AMDHD2: variants seen among roughly 807,000 people sequenced by gnomAD.
The protein encoded by AMDHD2 is amidohydrolase domain containing 2.
In AMDHD2, 24 loss-of-function variants were observed where a neutral mutation model predicts 41.8. The observed-to-expected ratio is 0.57, with a 90% CI of 0.42 to 0.81. AMDHD2 has a LOEUF of 0.81. Among genes scored for constraint, AMDHD2 ranks in the 30% least tolerant of loss-of-function variants. The pLI, the probability that AMDHD2 is intolerant of heterozygous loss-of-function variation, is 0.00. For synonymous variants in AMDHD2, 332 were observed against 255.5 expected (o/e 1.30, Z -2.85); for missense variants, 540 against 588.5 (o/e 0.92, Z 0.85).
At chr16:2,529,441 C>G in intron 10 of AMDHD2, 34 bp from the exon 11 acceptor site, 2 of 1,605,652 alleles carry the variant, frequency 1.2e-6, no homozygotes, top group Non-Finnish European at 1.7e-6. Context: ...CGGCCCCACT[C>G]CTGCCCCCTA....
Position 2,529,957 on chromosome 16 carries a change from G to T in AMDHD2, c.*394G>T. ...GAGGGGCAGGCAGTCAGTGGCTGGT[G>T]CCATGGGGTGAAGCCACCATGGGCT... is the stretch of plus-strand genomic sequence containing the variant. On this transcript the variant is annotated 3_prime_UTR_variant, in exon 11 of 11. Transcript: ENST00000293971. 1.2e-6 allele frequency: 1 copy of T among 807,224 alleles called. No homozygotes were observed. The highest frequency in any genetic ancestry group is 2.1e-5 in the South Asian group (1 of 47,096). The allele number at this position is 807,224 out of a possible 1,614,324, so 50.0% of individuals were successfully genotyped here.
chr16:2,526,956 T>A (rs1002703786), intron 3 of AMDHD2: 4 of 152,536 alleles, frequency 2.6e-5, no homozygotes, highest in African/African-American at 9.7e-5. Context: ...GTGTTACTGT[T>A]GTGTGGGTTG....
rs1274395038 is a variant in AMDHD2, at chr16:2,528,240, AC to A, written c.724del (p.His242ThrfsTer10). On this transcript the variant is annotated frameshift_variant, in exon 7 of 11. Transcript: ENST00000293971. LOFTEE classifies it high-confidence loss of function. ...CCTTCCCTCGCCCCTGCCCAGTTCC[AC>A]CACCGCGACCCAGGCATCGTGGGGC... is the stretch of plus-strand genomic sequence containing the variant. ...THLFNAMLPF[H>X]HRDPGIVGLL... 6.2e-7 allele frequency: 1 copy of A among 1,611,420 alleles called. No homozygotes were observed. The highest frequency in any genetic ancestry group is 8.5e-7 in the Non-Finnish European group (1 of 1,179,730).
chr16:2,523,108 C>T (rs1329285771), intron 3 of AMDHD2, among the ~76,000 whole-genome samples: 1 of 152,144 alleles, frequency 6.6e-6, no homozygotes, highest in Non-Finnish European at 1.5e-5. Flanking sequence ...TCCCAAAGTG[C>T]TAGGATTACA....
rs747081812 is a variant in AMDHD2, at chr16:2,530,326, C to T, written c.*763C>T. On this transcript the variant is annotated 3_prime_UTR_variant, in exon 11 of 11. Transcript: ENST00000293971. ...GCAGTATGGGAGGCACCAGTGTGCCCTGCTCACCCCATTAGTGTCATCCTG... is the reference window on the plus strand; with the variant it reads ...GCAGTATGGGAGGCACCAGTGTGCCTTGCTCACCCCATTAGTGTCATCCTG... The T allele has an allele frequency of 1.9e-6, 3 of 1,614,146 alleles. No individual in the cohort carries two copies. The highest frequency in any genetic ancestry group is 2.2e-5 in the South Asian group (2 of 91,086).
chr16:2,520,590 G>A (rs2065920058), intron 1 of AMDHD2, 49 bp downstream of exon 1: 1 of 1,196,112 alleles, frequency 8.4e-7, no homozygotes, highest in Non-Finnish European at 1.0e-6. Flanking sequence ...CGGGGTGCAG[G>A]GTGCGGGGCC....
Position 2,530,337 on chromosome 16 carries a change from A to T in AMDHD2, c.*774A>T. The T allele has an allele frequency of 6.2e-7, 1 of 1,614,128 alleles. No individual in the cohort carries two copies. On this transcript the variant is annotated 3_prime_UTR_variant, in exon 11 of 11. Coordinates refer to ENST00000293971, the MANE Select transcript of AMDHD2 (RefSeq NM_001330449.2). ...GGCACCAGTGTGCCCTGCTCACCCC[A>T]TTAGTGTCATCCTGCCATCTTCTGT...
intron 3 of AMDHD2, among the ~76,000 whole-genome samples, chr16:2,524,847 C>G (rs367901398): frequency 3.9e-5 from 6 of 152,110 alleles, no homozygotes; most frequent in African/African-American, 1.4e-4. Context: ...TAGCCCCTTT[C>G]TCTCCTCTCA....
rs1229137938 is a variant in AMDHD2, at chr16:2,531,124, G to A, written c.*1561G>A. 2.6e-6 allele frequency: 4 copies of A among 1,534,082 alleles called. No individual in the cohort carries two copies. The Admixed American group carries it at 7.2e-5, about 28-fold the overall frequency. Reference sequence around the variant, plus strand: ...TGTTGGTCATCCCCACCTCAGACGGGACGCCCAGTCCAGAGCTGGTGAGCC... The same window carrying A: ...TGTTGGTCATCCCCACCTCAGACGGAACGCCCAGTCCAGAGCTGGTGAGCC... On this transcript the variant is annotated 3_prime_UTR_variant, in exon 11 of 11. Coordinates refer to ENST00000293971, the MANE Select transcript of AMDHD2 (RefSeq NM_001330449.2).
chr16:2,523,202 G>A (rs1257568850), intron 3 of AMDHD2, among the ~76,000 whole-genome samples: 3 of 152,158 alleles, frequency 2.0e-5, no homozygotes, highest in Admixed American at 1.3e-4. Context: ...GAGTTAGTGA[G>A]TTTAGAAAAT....
chr16:2,523,090 T>C lies in AMDHD2; in HGVS notation c.360+1967T>C, dbSNP rs1301403094. 3.9e-5 allele frequency among the ~76,000 whole-genome samples: 6 copies of C among 151,982 alleles called. 1 individual carries two copies. Among genetic ancestry groups the C allele is most frequent in the Admixed American group, 3.9e-4 (6 of 15,256 alleles). The stretch of plus-strand genomic sequence containing the variant: ...AAATCCTGACCTCACGATCTGCCCA[T>C]CTCAGCCTCCCAAAGTGCTAGGATT... On this transcript the variant is annotated intron_variant, in intron 3 of 10. Coordinates refer to ENST00000293971, the MANE Select transcript of AMDHD2 (RefSeq NM_001330449.2).
chr16:2,530,443 C>G lies in AMDHD2; in HGVS notation c.*880C>G, dbSNP rs927628468. 3.1e-6 allele frequency: 5 copies of G among 1,613,928 alleles called. No homozygotes were observed. Among genetic ancestry groups the G allele is most frequent in the Non-Finnish European group, 3.4e-6 (4 of 1,179,990 alleles). On this transcript the variant is annotated 3_prime_UTR_variant, in exon 11 of 11. Coordinates refer to ENST00000293971, the MANE Select transcript of AMDHD2 (RefSeq NM_001330449.2). ...GAACAGCTTCGAGGCGGGTGGGCTT[C>G]TGGAGCCCTCTTGGCTCTGAGGACA...
At position 2,527,983 on chromosome 16, in the gene AMDHD2, T is replaced by A; in HGVS notation, c.626T>A (p.Leu209Gln). 1 of 1,606,352 alleles carries A rather than the reference T, an allele frequency of 6.2e-7. No individual in the cohort carries two copies. Among genetic ancestry groups the A allele is most frequent in the Non-Finnish European group, 8.5e-7 (1 of 1,178,724 alleles). The change falls in exon 5 of 11, where the codon CTA (leucine) becomes CAA (glutamine). Residue 209 changes from leucine (L) to glutamine (Q), a missense_variant and splice_region_variant. Coordinates refer to ENST00000293971, the MANE Select transcript of AMDHD2 (RefSeq NM_001330449.2). This position sits in a 1 kb window ranked among gnomAD's most constrained non-coding sequence, Gnocchi z 6.1. ...ALTARGICVS[L>Q]GHSVADLRAA... ...ACGGCCCGTGGCATCTGCGTGTCCC[T>A]AGGTGAGGGGCCGGCTCGGGGTGGG...
intron 3 of AMDHD2, among the ~76,000 whole-genome samples, chr16:2,526,802 C>T (rs190953916): frequency 3.3e-5 from 5 of 152,228 alleles, no homozygotes; most frequent in East Asian, 3.9e-4. Flanking sequence ...TGGTCGTGCA[C>T]GCCTGTAATC....
At chr16:2,528,890 G>A (rs760849450) in intron 9 of AMDHD2, 104 bp from the exon 10 acceptor site, 8 of 1,464,264 alleles carry the variant, frequency 5.5e-6, no homozygotes, top group Non-Finnish European at 7.4e-6. Context: ...GTCCTTGTTA[G>A]CCTGCTGCAG....
rs1186420043 is a variant in AMDHD2, at chr16:2,527,902, G to A, written c.545G>A (p.Arg182His). Reference sequence around the variant, plus strand: ...ACCTACGGGCCCCTGGACAATGTCCGCATCGTGACGCTGGCCCCAGAGTTG... The same window carrying A: ...ACCTACGGGCCCCTGGACAATGTCCACATCGTGACGCTGGCCCCAGAGTTG... ...LATYGPLDNV[R>H]IVTLAPELGR... is the part of the protein sequence containing the mutation. The change falls in exon 5 of 11, where the codon CGC (arginine) becomes CAC (histidine). Residue 182 changes from arginine to histidine, a missense_variant. Physicochemically the swap from Arg to His is conservative, Grantham distance 29. Transcript: ENST00000293971. This position sits in a 1 kb window ranked among gnomAD's most constrained non-coding sequence, Gnocchi z 6.1. The A allele has an allele frequency of 3.8e-6, 6 of 1,595,164 alleles. No individual in the cohort carries two copies. The highest frequency in any genetic ancestry group is 4.2e-6 in the Non-Finnish European group (5 of 1,177,882).
At chr16:2,521,243 T>G (rs997559609) in intron 3 of AMDHD2, 120 bp downstream of exon 3, 1 of 1,271,710 alleles carries the variant, frequency 7.9e-7, no homozygotes, top group Non-Finnish European at 1.0e-6. Context: ...GAGTCTGGCC[T>G]CCTTTGATGA....
Position 2,531,208 on chromosome 16 carries a change from G to T in AMDHD2, c.*1645G>T, listed in dbSNP as rs939458850. ...CACCGGCCAGCGCCCCACCTCCCTG[G>T]CTGGAGGGTCGGGGAGGGGCTGGCA... On this transcript the variant is annotated 3_prime_UTR_variant, in exon 11 of 11. Transcript: ENST00000293971. The T allele has an allele frequency of 2.5e-6, 3 of 1,204,322 alleles. No homozygotes were observed. Among genetic ancestry groups the T allele is most frequent in the Non-Finnish European group, 3.4e-6 (3 of 870,754 alleles). The allele number at this position is 1,204,322 out of a possible 1,614,324, so 74.6% of individuals were successfully genotyped here. A position where few individuals can be genotyped will look rare whatever the true frequency, so the allele number is the denominator to read the frequency against.
chr16:2,526,477 C>T (rs962528207), intron 3 of AMDHD2, among the ~76,000 whole-genome samples: 1 of 152,176 alleles, frequency 6.6e-6, no homozygotes, highest in Non-Finnish European at 1.5e-5. Context: ...CCCACGTCAC[C>T]CTACTTCTCA....
Sources: gnomAD v4.1 joint callset for allele counts (sites outside exome capture counted in the v4.1 genomes callset) on GRCh38, gnomAD v4.1.1 for gene constraint, Gnocchi (gnomAD v3.1) non-coding constraint, MANE v1.5 for transcripts, NCBI Gene and HGNC (gene_info 2026-07-23, HGNC 2026-07-21) for gene names.